IRAK1BP1: variants seen among roughly 807,000 people sequenced by gnomAD.
The protein encoded by IRAK1BP1 is interleukin 1 receptor associated kinase 1 binding protein 1, also known as interleukin-1 receptor-associated kinase 1-binding protein 1.
IRAK1BP1 carries 24 observed loss-of-function variants against 28.0 expected under a neutral mutation model. The ratio of observed to expected loss-of-function variants is 0.86; its 90% confidence interval spans 0.62 to 1.20. The LOEUF (loss-of-function observed/expected upper bound fraction) is 1.20, where lower values mean the gene tolerates loss of function less well. Among genes scored for constraint, IRAK1BP1 ranks in the 50% most tolerant of loss-of-function variants. IRAK1BP1 has a pLI of 0.00. For synonymous variants in IRAK1BP1, 131 were observed against 116.3 expected, an observed-to-expected ratio of 1.13 and a Z score of -0.81; for missense variants, 336 against 316.7, an observed-to-expected ratio of 1.06 and a Z score of -0.46.
the IRAK1BP1 span, among the ~76,000 whole-genome samples, chr6:78,974,650 A>G: frequency 6.6e-6 from 1 of 152,230 alleles, no homozygotes; most frequent in Non-Finnish European, 1.5e-5. Context: ...AAAGAAAAAA[A>G]GAAGAATCAA....
At chr6:78,870,199 C>A (rs1159180646) in intron 1 of IRAK1BP1, among the ~76,000 whole-genome samples, 1 of 131,648 alleles carries the variant, frequency 7.6e-6, no homozygotes, top group Non-Finnish European at 1.6e-5. Context: ...TTGTATTTTT[C>A]TTTAAGAATT....
rs1459833809 is a variant in IRAK1BP1, at chr6:78,899,072, T to G, written c.*738T>G. The G allele has an allele frequency of 6.6e-6, 1 of 152,214 alleles. No individual in the cohort carries two copies. The highest frequency in any genetic ancestry group is 2.4e-5 in the African/African-American group (1 of 41,436). 9.4% of individuals were successfully genotyped at this position (152,214 alleles called of 1,614,324 possible). A position where few individuals can be genotyped will look rare whatever the true frequency, so the allele number is the denominator to read the frequency against. ...ATGGGGGCAAAATGATATGGCCATA[T>G]GCAATATGGCTACATATACAGCAGG... On this transcript the variant is annotated 3_prime_UTR_variant, in exon 4 of 4. Transcript: ENST00000369940.
chr6:78,891,080 G>A (rs1771641143), intron 2 of IRAK1BP1, among the ~76,000 whole-genome samples: 2 of 152,092 alleles, frequency 1.3e-5, no homozygotes, highest in Admixed American at 6.5e-5. Flanking sequence ...AAAAATAAAG[G>A]AACTCATAGA....
chr6:78,933,570 G>T (rs952043231), intron 4 of IRAK1BP1, among the ~76,000 whole-genome samples: 1 of 152,064 alleles, frequency 6.6e-6, no homozygotes, highest in African/African-American at 2.4e-5. Flanking sequence ...AGCTGAGATC[G>T]CACTTTTGCA....
chr6:78,972,732 C>A, the IRAK1BP1 span, among the ~76,000 whole-genome samples: 1 of 152,014 alleles, frequency 6.6e-6, no homozygotes, highest in Non-Finnish European at 1.5e-5. Context: ...GTGAAGAATG[C>A]AGAAGCCTCA....
At chr6:78,914,155 G>T (rs1772497204) in intron 4 of IRAK1BP1, among the ~76,000 whole-genome samples, 1 of 151,680 alleles carries the variant, frequency 6.6e-6, no homozygotes, top group South Asian at 2.1e-4. Flanking sequence ...CTCACTACTA[G>T]GTAATCTTAA....
At chr6:78,918,133 A>T (rs970733401) in intron 4 of IRAK1BP1, among the ~76,000 whole-genome samples, 2 of 152,058 alleles carry the variant, frequency 1.3e-5, no homozygotes, top group Non-Finnish European at 1.5e-5. Context: ...TCCCATCTCT[A>T]TAAAAAATAC....
chr6:78,936,349 A>G (rs1214076870), intron 4 of IRAK1BP1: 1 of 151,896 alleles, frequency 6.6e-6, no homozygotes, highest in African/African-American at 2.4e-5. Flanking sequence ...AAGTTTTCTA[A>G]AAGATCTTCA....
intron 4 of IRAK1BP1, among the ~76,000 whole-genome samples, chr6:78,930,423 A>G (rs1328593845): frequency 6.6e-6 from 1 of 152,154 alleles, no homozygotes; most frequent in African/African-American, 2.4e-5. Flanking sequence ...ATTTTTAATA[A>G]AAGTGTTCAT....
chr6:78,911,998 C>T (rs1772437618), intron 4 of IRAK1BP1, among the ~76,000 whole-genome samples: 1 of 152,018 alleles, frequency 6.6e-6, no homozygotes. Context: ...GTTTTTTGAT[C>T]CTCAACACCA....
At chr6:78,910,157 A>G (rs929805562) in intron 4 of IRAK1BP1, among the ~76,000 whole-genome samples, 1 of 152,148 alleles carries the variant, frequency 6.6e-6, no homozygotes, top group African/African-American at 2.4e-5. Flanking sequence ...TGATGGTGCA[A>G]GGTCCATGAC....
intron 4 of IRAK1BP1, among the ~76,000 whole-genome samples, chr6:78,917,632 TAAA>T (rs35313944): frequency 4.7e-5 from 3 of 63,688 alleles, no homozygotes; most frequent in Non-Finnish European, 5.8e-5. Flanking sequence ...AAGTCAACAC[TAAA>T]AAAAAAAAAA....
At chr6:78,871,166 G>A (rs1242094183) in intron 1 of IRAK1BP1, 1 of 655,502 alleles carries the variant, frequency 1.5e-6, no homozygotes, top group East Asian at 1.4e-4. Flanking sequence ...GGTATATAGT[G>A]AATGCTACCA....
At chr6:78,970,733 T>A in the IRAK1BP1 span, 11 of 1,212,756 alleles carry the variant, frequency 9.1e-6, no homozygotes, top group Non-Finnish European at 1.3e-5. Context: ...TTCTCCAAAT[T>A]CCATAATTGT....
rs1554187991 is a variant in IRAK1BP1, at chr6:78,885,454, A to ATCTTG, written c.381+11_381+12insTCTTG. 4 of 1,400,092 alleles carry ATCTTG rather than the reference A, an allele frequency of 2.9e-6. No individual in the cohort carries two copies. In the South Asian group the frequency reaches 5.1e-5, roughly 18 times the overall value. 86.7% of individuals were successfully genotyped at this position (1,400,092 alleles called of 1,614,324 possible). On this transcript the variant is annotated intron_variant, in intron 2 of 3. Transcript: ENST00000369940. ...CACATGGAAGCAGAGGTATGTACTT[A>ATCTTG]ACAAATAATTGGAAGCAGCATGATT...
Position 78,921,258 on chromosome 6 carries a change from C to T in IRAK1BP1, c.*67+18148C>T, listed in dbSNP as rs141008073. ...GCACTTTTCCAACGATCTTCGCAAA[C>T]GGCACACCAGGTGATTGTATCCCAC... is the stretch of plus-strand genomic sequence containing the variant. On this transcript the variant is annotated intron_variant and NMD_transcript_variant, in intron 4 of 4. Transcript: ENST00000606868. Among the ~76,000 whole-genome samples the T allele has an allele frequency of 6.4e-3, 972 of 152,296 alleles. 13 individuals are homozygous for T. Among genetic ancestry groups the T allele is most frequent in the African/African-American group, 0.02 (835 of 41,560 alleles).
At chr6:78,879,522 AAATG>A (rs988718803) in intron 1 of IRAK1BP1, among the ~76,000 whole-genome samples, 1 of 152,190 alleles carries the variant, frequency 6.6e-6, no homozygotes, top group African/African-American at 2.4e-5. Flanking sequence ...GTATGCAAAA[AAATG>A]AACCTCCACA....
At chr6:78,935,493 A>G in intron 4 of IRAK1BP1, 1 of 978,734 alleles carries the variant, frequency 1.0e-6, no homozygotes, top group Non-Finnish European at 1.2e-6. Context: ...TATTTATGCA[A>G]AGTGTTCCAC....
chr6:78,930,224 A>G (rs1252247937), intron 4 of IRAK1BP1, among the ~76,000 whole-genome samples: 1 of 152,160 alleles, frequency 6.6e-6, no homozygotes, highest in East Asian at 1.9e-4. Context: ...CAGCCTTGAC[A>G]AAGTTTTTTA....
Sources: gnomAD v4.1 joint callset for allele counts (sites outside exome capture counted in the v4.1 genomes callset) on GRCh38, gnomAD v4.1.1 for gene constraint, MANE v1.5 for transcripts, NCBI Gene and HGNC (gene_info 2026-07-23, HGNC 2026-07-21) for gene names.